DYTN: variants seen among roughly 807,000 people sequenced by gnomAD.
DYTN encodes dystrotelin.
DYTN carries 75 observed loss-of-function variants against 69.6 expected under a neutral mutation model. The observed-to-expected ratio is 1.08, with a 90% CI of 0.89 to 1.31. The LOEUF (loss-of-function observed/expected upper bound fraction) is 1.31. Among genes scored for constraint, DYTN ranks in the 50% most tolerant of loss-of-function variants. The pLI, the probability that DYTN is intolerant of heterozygous loss-of-function variation, is 0.00. For synonymous variants in DYTN, 252 were observed against 249.1 expected (o/e 1.01, Z -0.11); for missense variants, 726 against 688.4 (o/e 1.05, Z -0.61).
At chr2:206,717,342 C>T (rs537587086) in intron 1 of DYTN, among the ~76,000 whole-genome samples, 1 of 152,276 alleles carries the variant, frequency 6.6e-6, no homozygotes, top group African/African-American at 2.4e-5. Flanking sequence ...AAAATAGATG[C>T]TGTAGGCCAG....
chr2:206,667,238 C>A lies in DYTN; in HGVS notation c.981-1209G>T, dbSNP rs559897501. Among the ~76,000 whole-genome samples, 442 of 152,304 alleles carry A rather than the reference C, an allele frequency of 2.9e-3. 2 individuals carry two copies. Among genetic ancestry groups the A allele is most frequent in the Non-Finnish European group, 3.1e-3 (209 of 68,030 alleles). On this transcript the variant is annotated intron_variant, in intron 9 of 11. Coordinates refer to ENST00000452335, the MANE Select transcript of DYTN (RefSeq NM_001093730.1). ...CTTCCCTCTCTGACCTCATCTCTTG[C>A]TTTCCGGCTTATTCACTGCCCTGTG...
intron 1 of DYTN, among the ~76,000 whole-genome samples, chr2:206,714,112 C>A (rs1027751409): frequency 2.6e-5 from 4 of 152,230 alleles, no homozygotes; most frequent in Non-Finnish European, 5.9e-5. Context: ...AATGGAAAGG[C>A]AATGTTTCTG....
chr2:206,676,051 C>A (rs1699682779), intron 9 of DYTN, among the ~76,000 whole-genome samples: 1 of 152,124 alleles, frequency 6.6e-6, no homozygotes, highest in Non-Finnish European at 1.5e-5. Context: ...CCAGAAATAT[C>A]ATTTGACCCA....
At chr2:206,710,868 C>T (rs1487943885) in intron 1 of DYTN, among the ~76,000 whole-genome samples, 1 of 152,048 alleles carries the variant, frequency 6.6e-6, no homozygotes, top group Non-Finnish European at 1.5e-5. Flanking sequence ...AAGTCAATGG[C>T]CTTTGAAACA....
intron 1 of DYTN, among the ~76,000 whole-genome samples, chr2:206,716,715 C>T (rs1239062659): frequency 6.6e-6 from 1 of 151,926 alleles, no homozygotes; most frequent in Non-Finnish European, 1.5e-5. Context: ...GTGTAATGCC[C>T]AACATTTCTT....
intron 4 of DYTN, 82 bp from the exon 5 acceptor site, chr2:206,705,025 C>T (rs1700012126): frequency 1.8e-6 from 2 of 1,130,364 alleles, no homozygotes; most frequent in Non-Finnish European, 2.6e-6. Context: ...GTAACAGTCT[C>T]TTTGTGGCTA....
intron 5 of DYTN, among the ~76,000 whole-genome samples, chr2:206,702,542 A>G (rs1010756350): frequency 2.0e-5 from 3 of 152,178 alleles, no homozygotes; most frequent in African/African-American, 4.8e-5. Context: ...ACTACTCCCT[A>G]TGTTATTTAG....
chr2:206,680,681 T>C (rs1202420578), intron 9 of DYTN, among the ~76,000 whole-genome samples: 1 of 152,196 alleles, frequency 6.6e-6, no homozygotes, highest in African/African-American at 2.4e-5. Flanking sequence ...CTTATTGTCC[T>C]GTACTCCAAG....
intron 11 of DYTN, among the ~76,000 whole-genome samples, chr2:206,659,906 G>T (rs1482438849): frequency 6.6e-5 from 10 of 151,398 alleles, no homozygotes; most frequent in Non-Finnish European, 2.9e-5. Flanking sequence ...TAATATAAAA[G>T]AAGGGAAAGT....
chr2:206,665,540 A>G (rs1699560741), intron 10 of DYTN, among the ~76,000 whole-genome samples: 1 of 152,146 alleles, frequency 6.6e-6, no homozygotes, highest in African/African-American at 2.4e-5. Context: ...ATATAACCAC[A>G]GAACCAAATT....
In DYTN at chr2:206,669,972, C is replaced by T. The variant is rs545572881; in HGVS notation, c.981-3943G>A. On this transcript the variant is annotated intron_variant, in intron 9 of 11. Coordinates refer to ENST00000452335, the MANE Select transcript of DYTN (RefSeq NM_001093730.1). The stretch of plus-strand genomic sequence containing the variant: ...ATTGTGCCTGAAAACAAAGGTCTTC[C>T]CTCAGGGGAAACTTCTTACTGGGGA... 4.7e-5 allele frequency among the ~76,000 whole-genome samples: 7 copies of T among 148,574 alleles called. No individual in the cohort carries two copies. The South Asian group carries it at 1.2e-3, about 26-fold the overall frequency.
intron 7 of DYTN, among the ~76,000 whole-genome samples, chr2:206,696,975 T>C (rs1198762401): frequency 1.3e-5 from 2 of 152,342 alleles, no homozygotes; most frequent in East Asian, 3.9e-4. Flanking sequence ...CCTATCCTCC[T>C]GGCCTTGCAA....
intron 9 of DYTN, among the ~76,000 whole-genome samples, chr2:206,691,219 C>T (rs1699858406): frequency 1.3e-5 from 2 of 152,090 alleles, no homozygotes; most frequent in Non-Finnish European, 2.9e-5. Flanking sequence ...TCAAGACCAG[C>T]CTGGCCAATA....
chr2:206,709,822 T>G (rs1454300160), intron 2 of DYTN, among the ~76,000 whole-genome samples: 1 of 152,246 alleles, frequency 6.6e-6, no homozygotes, highest in Admixed American at 6.5e-5. Flanking sequence ...ACTTTAGATA[T>G]GCTGAATGCC....
chr2:206,652,131 A>G (rs1205106923), intron 11 of DYTN, among the ~76,000 whole-genome samples: 1 of 152,206 alleles, frequency 6.6e-6, no homozygotes, highest in Non-Finnish European at 1.5e-5. Context: ...CTTAAGAAGC[A>G]CTTTCCCACG....
chr2:206,716,586 T>C (rs982253489), intron 1 of DYTN, among the ~76,000 whole-genome samples: 2 of 152,134 alleles, frequency 1.3e-5, no homozygotes, highest in Non-Finnish European at 2.9e-5. Context: ...TAAAAATGCT[T>C]AGTTTTCAGA....
intron 11 of DYTN, among the ~76,000 whole-genome samples, chr2:206,657,817 G>A (rs1436982455): frequency 1.3e-5 from 2 of 152,082 alleles, no homozygotes; most frequent in Non-Finnish European, 1.5e-5. Context: ...TGACAATTTG[G>A]TTATAATGTG....
intron 9 of DYTN, among the ~76,000 whole-genome samples, chr2:206,685,585 A>T (rs1699797042): frequency 6.6e-6 from 1 of 152,176 alleles, no homozygotes; most frequent in Non-Finnish European, 1.5e-5. Context: ...GACTGAGGAA[A>T]CACTGGCTTC....
At chr2:206,691,049 A>C (rs1435522218) in intron 9 of DYTN, among the ~76,000 whole-genome samples, 2 of 152,220 alleles carry the variant, frequency 1.3e-5, no homozygotes, top group Admixed American at 6.5e-5. Context: ...GTGGGTGAGA[A>C]GTGCTGTCAC....
Sources: allele counts gnomAD v4.1 joint callset (sites outside exome capture counted in the v4.1 genomes callset), GRCh38; gene constraint gnomAD v4.1.1; transcripts MANE v1.5; gene names NCBI Gene and HGNC (gene_info 2026-07-23, HGNC 2026-07-21).